R3HCC1L: variants seen among roughly 807,000 people sequenced by gnomAD.
R3HCC1L encodes R3H domain and coiled-coil containing 1 like, also known as coiled-coil domain-containing protein R3HCC1L.
Under a neutral mutation model 59.9 loss-of-function variants are expected in R3HCC1L, and 51 were observed. That is an observed-to-expected ratio of 0.85 (90% CI 0.68 to 1.07). R3HCC1L has a LOEUF of 1.07. R3HCC1L is among the 50% of genes least tolerant of loss of function. The pLI is 0.00. For missense variants in R3HCC1L, 965 were observed against 933.0 expected (o/e 1.03, Z -0.45); for synonymous variants, 322 against 315.2 (o/e 1.02, Z -0.23).
At chr10:98,176,971 T>G (rs1849086753) in intron 4 of R3HCC1L, among the ~76,000 whole-genome samples, 1 of 152,130 alleles carries the variant, frequency 6.6e-6, no homozygotes, top group Non-Finnish European at 1.5e-5. Flanking sequence ...TGTATTTTAT[T>G]TTTGTTAGTC....
chr10:98,191,556 C>T (rs999386107), intron 4 of R3HCC1L, among the ~76,000 whole-genome samples: 1 of 152,064 alleles, frequency 6.6e-6, no homozygotes, highest in African/African-American at 2.4e-5. Context: ...GATATTAGCC[C>T]TTTGTCAGAT....
chr10:98,143,340 T>G (rs1442668741), intron 1 of R3HCC1L, among the ~76,000 whole-genome samples: 4 of 152,232 alleles, frequency 2.6e-5, no homozygotes, highest in African/African-American at 9.6e-5. Context: ...TGACCATCTC[T>G]CAATACGTTC....
intron 4 of R3HCC1L, 53 bp downstream of exon 4, chr10:98,163,450 A>G: frequency 2.7e-6 from 3 of 1,101,766 alleles, no homozygotes; most frequent in Admixed American, 3.0e-5. Flanking sequence ...TGTTTACTCT[A>G]AAGATTTGTT....
chr10:98,136,761 C>G (rs1361517936), intron 1 of R3HCC1L, among the ~76,000 whole-genome samples: 1 of 152,114 alleles, frequency 6.6e-6, no homozygotes, highest in Non-Finnish European at 1.5e-5. Flanking sequence ...CGCTTGAGTC[C>G]TGGAGGTGGA....
chr10:98,207,079 C>T (rs1852762036), intron 4 of R3HCC1L, among the ~76,000 whole-genome samples: 1 of 152,102 alleles, frequency 6.6e-6, no homozygotes, highest in Admixed American at 6.5e-5. Flanking sequence ...GGACAGGATG[C>T]GTTAGCCTTT....
chr10:98,221,396 T>C (rs1335599831), intron 5 of R3HCC1L, among the ~76,000 whole-genome samples: 4 of 149,150 alleles, frequency 2.7e-5, no homozygotes, highest in Non-Finnish European at 4.5e-5. Flanking sequence ...AGATCCCATT[T>C]GTCAATTTTG....
chr10:98,178,327 T>C (rs1849256084), intron 4 of R3HCC1L, among the ~76,000 whole-genome samples: 1 of 152,228 alleles, frequency 6.6e-6, no homozygotes, highest in Non-Finnish European at 1.5e-5. Flanking sequence ...AGGGAATCCT[T>C]TCCCCATTTC....
chr10:98,206,781 CT>C (rs777391434), intron 4 of R3HCC1L, among the ~76,000 whole-genome samples: 3 of 152,102 alleles, frequency 2.0e-5, no homozygotes, highest in Non-Finnish European at 4.4e-5. Flanking sequence ...CACTTCAGTA[CT>C]TCTGTCTTTG....
intron 9 of R3HCC1L, among the ~76,000 whole-genome samples, chr10:98,237,631 A>G (rs781425524): frequency 1.3e-5 from 2 of 152,324 alleles, no homozygotes; most frequent in South Asian, 2.1e-4. Flanking sequence ...TTGCTTTTCT[A>G]AAGAAGGCCT....
intron 5 of R3HCC1L, among the ~76,000 whole-genome samples, chr10:98,214,009 G>T (rs1249667531): frequency 6.6e-6 from 1 of 152,062 alleles, no homozygotes; most frequent in African/African-American, 2.4e-5. Context: ...TAGATCTCTG[G>T]TCCAAACAGA....
intron 9 of R3HCC1L, among the ~76,000 whole-genome samples, chr10:98,242,579 T>G (rs1460750090): frequency 6.6e-6 from 1 of 152,230 alleles, no homozygotes; most frequent in Non-Finnish European, 1.5e-5. Context: ...AACTTTGTTT[T>G]CAGAATTGTT....
At chr10:98,221,732 A>G (rs1405498840) in intron 5 of R3HCC1L, among the ~76,000 whole-genome samples, 1 of 152,002 alleles carries the variant, frequency 6.6e-6, no homozygotes, top group Non-Finnish European at 1.5e-5. Context: ...TGTTCCATTG[A>G]TCTATATGTC....
intron 4 of R3HCC1L, among the ~76,000 whole-genome samples, chr10:98,170,357 C>G (rs1434140258): frequency 6.6e-6 from 1 of 151,980 alleles, no homozygotes; most frequent in East Asian, 1.9e-4. Context: ...GCTCTGTCAC[C>G]CAGGCTGGAG....
intron 2 of R3HCC1L, among the ~76,000 whole-genome samples, chr10:98,157,911 G>A (rs1847037046): frequency 6.6e-6 from 1 of 152,324 alleles, no homozygotes; most frequent in Admixed American, 6.5e-5. Flanking sequence ...GGTAGAGGAA[G>A]AGAATATGTT....
rs1435879571 is a variant in R3HCC1L, at chr10:98,227,595, A to G, written c.1786-3917A>G. On this transcript the variant is annotated intron_variant, in intron 5 of 9. Transcript: ENST00000298999. ...GTGTGTGTTTTTTTTTTTTTTTTTA[A>G]TTATACTTTAAGTTCTAGGGTACAT... Among the ~76,000 whole-genome samples, 3 of 133,718 alleles carry G rather than the reference A, an allele frequency of 2.2e-5. No individual in the cohort carries two copies. In the South Asian group the frequency reaches 7.1e-4, roughly 32 times the overall value. 87.7% of individuals were successfully genotyped at this position (133,718 alleles called of 152,430 possible).
At chr10:98,179,938 A>C (rs1000922267) in intron 4 of R3HCC1L, among the ~76,000 whole-genome samples, 3 of 151,816 alleles carry the variant, frequency 2.0e-5, no homozygotes, top group Non-Finnish European at 2.9e-5. Flanking sequence ...TATTGCATCT[A>C]TTTGATTCTT....
Position 98,162,969 on chromosome 10 carries a change from A to G in R3HCC1L, c.-126A>G, listed in dbSNP as rs1847590610. 1 of 152,928 alleles carries G rather than the reference A, an allele frequency of 6.5e-6. No individual in the cohort carries two copies. 9.5% of individuals were successfully genotyped at this position (152,928 alleles called of 1,614,324 possible). On this transcript the variant is annotated 5_prime_UTR_variant, in exon 3 of 10. Coordinates refer to ENST00000298999, the MANE Select transcript of R3HCC1L (RefSeq NM_001351015.2). ...TGCCTCGGCTTCCCAAAGTGCTGGG[A>G]TTACAGGTATGAGCCACCACGCCTG...
Position 98,134,719 on chromosome 10 carries a change from C to T in R3HCC1L, c.-268+13C>T, listed in dbSNP as rs747735890. Reference sequence around the variant, plus strand: ...CAACAGCGCGCCGGTAACAACCAGCCCCGTATCCCCTCCCTCTGTACCTCA... The same window carrying T: ...CAACAGCGCGCCGGTAACAACCAGCTCCGTATCCCCTCCCTCTGTACCTCA... On this transcript the variant is annotated intron_variant, in intron 1 of 9. Transcript: ENST00000298999. The T allele has an allele frequency of 2.6e-5, 4 of 152,424 alleles. No homozygotes were observed. In the East Asian group the frequency reaches 7.7e-4, roughly 29 times the overall value. 9.4% of individuals were successfully genotyped at this position (152,424 alleles called of 1,614,324 possible).
chr10:98,164,610 A>G (rs1158930041), intron 4 of R3HCC1L, among the ~76,000 whole-genome samples: 1 of 152,132 alleles, frequency 6.6e-6, no homozygotes, highest in African/African-American at 2.4e-5. Flanking sequence ...AGCTGGCTAT[A>G]AAGAGTGACA....
Sources: allele counts gnomAD v4.1 joint callset (sites outside exome capture counted in the v4.1 genomes callset), GRCh38; gene constraint gnomAD v4.1.1; transcripts MANE v1.5; gene names NCBI Gene and HGNC (gene_info 2026-07-23, HGNC 2026-07-21).